SLC4A10: variants seen among roughly 807,000 people sequenced by gnomAD.
The protein encoded by SLC4A10 is solute carrier family 4 member 10, also known as sodium-driven chloride bicarbonate exchanger.
In SLC4A10, 42 loss-of-function variants were observed where a neutral mutation model predicts 137.7. The ratio of observed to expected loss-of-function variants is 0.30; its 90% CI spans 0.24 to 0.39. SLC4A10 has a LOEUF of 0.39. Ranked by LOEUF, SLC4A10 falls within the 10% of genes least tolerant of loss-of-function variation. The pLI is 1.00. For missense variants in SLC4A10, 925 were observed against 1,355.0 expected (o/e 0.68, Z 4.98); for synonymous variants, 474 against 464.1 (o/e 1.02, Z -0.27).
chr2:161,854,570 T>G (rs189521872), intron 4 of SLC4A10, among the ~76,000 whole-genome samples: 71 of 152,298 alleles, frequency 4.7e-4, no homozygotes, highest in Middle Eastern at 6.8e-3. Context: ...TATTCAGGTT[T>G]AAGACCTCCC....
chr2:161,967,294 C>T (rs142406263), intron 23 of SLC4A10, among the ~76,000 whole-genome samples: 4 of 152,178 alleles, frequency 2.6e-5, no homozygotes, highest in East Asian at 3.9e-4. Context: ...AAGGGAATAG[C>T]GTCTTGGCCA....
chr2:161,917,569 C>A (rs746566948), intron 15 of SLC4A10, among the ~76,000 whole-genome samples: 93 of 145,998 alleles, frequency 6.4e-4, no homozygotes, highest in Non-Finnish European at 9.6e-4. Flanking sequence ...AAGAGGGAGA[C>A]CCTGTCTAAA....
At chr2:161,864,103 G>C (rs768803746) in intron 6 of SLC4A10, among the ~76,000 whole-genome samples, 2 of 152,118 alleles carry the variant, frequency 1.3e-5, no homozygotes, top group Non-Finnish European at 2.9e-5. Context: ...TCGGGAGACT[G>C]AGGCAGGAGA....
chr2:161,964,077 G>A (rs1697179688), intron 21 of SLC4A10, 58 bp from the exon 22 acceptor site: 2 of 1,452,128 alleles, frequency 1.4e-6, no homozygotes, highest in African/African-American at 1.4e-5. Context: ...ACATCAACTT[G>A]TCCTACTTTT....
chr2:161,878,934 T>C (rs1219368006), intron 8 of SLC4A10, among the ~76,000 whole-genome samples, 197 bp from the exon 9 acceptor site: 1 of 152,262 alleles, frequency 6.6e-6, no homozygotes. Context: ...ACTCAGCTTA[T>C]TGATGACAAG....
intron 1 of SLC4A10, among the ~76,000 whole-genome samples, chr2:161,715,969 G>C (rs2044823411): frequency 6.6e-6 from 1 of 151,998 alleles, no homozygotes; most frequent in Non-Finnish European, 1.5e-5. Context: ...AAGTGTTTCT[G>C]TTTCTCCACA....
intron 1 of SLC4A10, among the ~76,000 whole-genome samples, chr2:161,668,682 T>C: frequency 6.6e-6 from 1 of 151,936 alleles, no homozygotes; most frequent in East Asian, 1.9e-4. Context: ...AATTCTCATA[T>C]GTTGGAATAT....
intron 1 of SLC4A10, among the ~76,000 whole-genome samples, chr2:161,720,573 G>A (rs994301344): frequency 5.9e-5 from 9 of 152,214 alleles, no homozygotes; most frequent in Admixed American, 3.3e-4. Flanking sequence ...TGTATTGGGA[G>A]CATATATAAT....
chr2:161,647,534 T>C (rs1395425090), intron 1 of SLC4A10, among the ~76,000 whole-genome samples: 1 of 152,012 alleles, frequency 6.6e-6, no homozygotes, highest in Non-Finnish European at 1.5e-5. Context: ...TACACCAAAA[T>C]TTGAAATGAA....
intron 2 of SLC4A10, among the ~76,000 whole-genome samples, chr2:161,797,262 A>G (rs937836600): frequency 1.1e-4 from 16 of 151,732 alleles, no homozygotes; most frequent in Admixed American, 9.2e-4. Context: ...TGCTCACGTT[A>G]TCTCCTTTTT....
intron 3 of SLC4A10, among the ~76,000 whole-genome samples, chr2:161,809,677 G>C (rs79018192): frequency 0.065 from 9,956 of 152,058 alleles, 389 homozygotes; most frequent in African/African-American, 0.1. Flanking sequence ...TTGAAGAGCA[G>C]ACTGTTGTAG....
chr2:161,802,050 T>C (rs1415835073), intron 2 of SLC4A10, among the ~76,000 whole-genome samples: 1 of 152,098 alleles, frequency 6.6e-6, no homozygotes, highest in Non-Finnish European at 1.5e-5. Flanking sequence ...TTTTCCAAAA[T>C]TGAGCCTTAT....
chr2:161,744,803 T>C (rs1326715426), intron 1 of SLC4A10, among the ~76,000 whole-genome samples: 2 of 151,902 alleles, frequency 1.3e-5, no homozygotes, highest in South Asian at 2.1e-4. Context: ...ATGTCATCTA[T>C]GTCTTAAAAA....
intron 1 of SLC4A10, among the ~76,000 whole-genome samples, chr2:161,720,703 C>T (rs1296959255): frequency 2.0e-5 from 3 of 152,124 alleles, no homozygotes; most frequent in Non-Finnish European, 4.4e-5. Flanking sequence ...ATTTCAACTC[C>T]TGCTTTTTTC....
intron 24 of SLC4A10, 95 bp from the exon 25 acceptor site, chr2:161,976,665 A>G (rs1699426125): frequency 3.7e-6 from 2 of 543,644 alleles, no homozygotes; most frequent in Non-Finnish European, 6.3e-6. Context: ...TATTCTTCAT[A>G]GATATATGAT....
intron 19 of SLC4A10, among the ~76,000 whole-genome samples, chr2:161,956,281 C>T (rs933770697): frequency 6.6e-6 from 1 of 152,134 alleles, no homozygotes. Context: ...GGCACAAGAG[C>T]TTAAGTGATT....
At chr2:161,661,777 C>T (rs1364239218) in intron 1 of SLC4A10, among the ~76,000 whole-genome samples, 7 of 152,030 alleles carry the variant, frequency 4.6e-5, no homozygotes, top group Admixed American at 2.6e-4. Flanking sequence ...GCATAGTTAA[C>T]ATTATTTGTA....
chr2:161,737,761 G>C (rs2047493272), intron 1 of SLC4A10, among the ~76,000 whole-genome samples: 1 of 152,138 alleles, frequency 6.6e-6, no homozygotes, highest in South Asian at 2.1e-4. Context: ...GGTGTAGCTG[G>C]TAGGTAGAGT....
intron 26 of SLC4A10, among the ~76,000 whole-genome samples, chr2:161,979,321 A>T (rs1372227310): frequency 2.6e-5 from 4 of 152,248 alleles, no homozygotes; most frequent in Non-Finnish European, 4.4e-5. Flanking sequence ...ATGACTTCAC[A>T]TAGTGGGTTG....
Sources: gnomAD v4.1 joint callset for allele counts (sites outside exome capture counted in the v4.1 genomes callset) on GRCh38, gnomAD v4.1.1 for gene constraint, MANE v1.5 for transcripts, NCBI Gene and HGNC (gene_info 2026-07-23, HGNC 2026-07-21) for gene names.